Variants in ADAMTS17 observed in about 807,000 individuals in gnomAD.
ADAMTS17 encodes the protein A disintegrin and metalloproteinase with thrombospondin motifs 17.
Under a neutral mutation model 141.5 loss-of-function variants are expected in ADAMTS17, and 113 were observed. The ratio of observed to expected loss-of-function variants is 0.80; its 90% confidence interval spans 0.69 to 0.93. ADAMTS17 has a LOEUF of 0.93. ADAMTS17 is among the 40% of genes least tolerant of loss of function. The probability of loss-of-function intolerance (pLI) is 0.00; values close to 1 mark genes in which losing one functional copy is unlikely to be tolerated. For synonymous variants in ADAMTS17, 768 were observed against 630.6 expected (o/e 1.22, Z -3.27); for missense variants, 1,659 against 1,517.9 (o/e 1.09, Z -1.54).
chr15:100,223,838 T>C (rs553002973), intron 7 of ADAMTS17, among the ~76,000 whole-genome samples: 1 of 152,022 alleles, frequency 6.6e-6, no homozygotes, highest in South Asian at 2.1e-4. Flanking sequence ...TGTATATATA[T>C]GGAGTTTATT....
intron 18 of ADAMTS17, among the ~76,000 whole-genome samples, chr15:100,027,380 C>G (rs1236353045): frequency 6.6e-6 from 1 of 152,152 alleles, no homozygotes; most frequent in Non-Finnish European, 1.5e-5. Flanking sequence ...TTAGTCTTAG[C>G]TCCACAATTA....
intron 3 of ADAMTS17, among the ~76,000 whole-genome samples, chr15:100,312,130 G>C (rs576867987): frequency 6.6e-6 from 1 of 152,182 alleles, no homozygotes; most frequent in Admixed American, 6.5e-5. Flanking sequence ...ACGAAAATGT[G>C]AACTTACATG....
chr15:100,341,419 G>A lies in ADAMTS17; in HGVS notation c.80-10C>T, dbSNP rs886050983. 5 of 1,015,584 alleles carry A rather than the reference G, an allele frequency of 4.9e-6. No homozygotes were observed. Among genetic ancestry groups the A allele is most frequent in the East Asian group, 9.5e-5 (1 of 10,538 alleles). 62.9% of individuals were successfully genotyped at this position (1,015,584 alleles called of 1,614,324 possible). A position where few individuals can be genotyped will look rare whatever the true frequency, so the allele number is the denominator to read the frequency against. On this transcript the variant is annotated splice_polypyrimidine_tract_variant and intron_variant, in intron 1 of 21. Coordinates refer to ENST00000268070, the MANE Select transcript of ADAMTS17 (RefSeq NM_139057.4). Reference sequence around the variant, plus strand: ...GCCGCGTCGCCGACAGCTGCGGGGAGAGAGGAGACGCGTCAGCGCGGCGGG... The same window carrying A: ...GCCGCGTCGCCGACAGCTGCGGGGAAAGAGGAGACGCGTCAGCGCGGCGGG...
Position 99,973,620 on chromosome 15 carries a change from T to A in ADAMTS17, c.*782A>T, listed in dbSNP as rs1276793658. On this transcript the variant is annotated 3_prime_UTR_variant, in exon 22 of 22. Transcript: ENST00000268070. ...ATCACCGCAATTACCGTTTCTTATG[T>A]CACAGCACCTTGAAGAGAGGCCCTT... 1 of 152,166 alleles carries A rather than the reference T, an allele frequency of 6.6e-6. No individual in the cohort carries two copies. The highest frequency in any genetic ancestry group is 6.5e-5 in the Admixed American group (1 of 15,296). 9.4% of individuals were successfully genotyped at this position (152,166 alleles called of 1,614,324 possible).
intron 3 of ADAMTS17, among the ~76,000 whole-genome samples, chr15:100,318,902 G>A (rs1009753439): frequency 6.6e-6 from 1 of 152,238 alleles, no homozygotes; most frequent in African/African-American, 2.4e-5. Context: ...AGGGGTGCAG[G>A]GAAGTCTGTC....
intron 18 of ADAMTS17, among the ~76,000 whole-genome samples, chr15:100,011,658 T>C (rs1305557691): frequency 6.6e-6 from 1 of 152,190 alleles, no homozygotes; most frequent in East Asian, 1.9e-4. Flanking sequence ...CCTATAAAGA[T>C]CCATTCTATA....
chr15:100,213,171 T>C (rs949573388), intron 7 of ADAMTS17, among the ~76,000 whole-genome samples: 7 of 152,156 alleles, frequency 4.6e-5, no homozygotes, highest in Non-Finnish European at 7.3e-5. Flanking sequence ...AGGGCCTTTA[T>C]TGTATCTTGG....
chr15:99,988,723 G>C (rs2060638245), intron 20 of ADAMTS17, among the ~76,000 whole-genome samples: 1 of 152,132 alleles, frequency 6.6e-6, no homozygotes, highest in Non-Finnish European at 1.5e-5. Context: ...CAGGCAAAAG[G>C]CTCCATCTTA....
chr15:100,138,687 G>C (rs1046451900), intron 10 of ADAMTS17, among the ~76,000 whole-genome samples: 1 of 152,188 alleles, frequency 6.6e-6, no homozygotes, highest in Non-Finnish European at 1.5e-5. Context: ...CCCAGAAGGA[G>C]AGAATAGAAA....
At chr15:100,255,277 G>A (rs2043286862) in intron 6 of ADAMTS17, among the ~76,000 whole-genome samples, 1 of 152,138 alleles carries the variant, frequency 6.6e-6, no homozygotes, top group Admixed American at 6.5e-5. Context: ...AGCCGGCTGA[G>A]GAGCCACAAC....
At chr15:100,039,766 C>A (rs976282370) in intron 18 of ADAMTS17, among the ~76,000 whole-genome samples, 14 of 152,158 alleles carry the variant, frequency 9.2e-5, no homozygotes, top group African/African-American at 3.4e-4. Context: ...GTTAAGTCTT[C>A]TATTTCCTTG....
In ADAMTS17 at chr15:100,152,702, G is replaced by C. The variant is rs1285718218; in HGVS notation, c.1383C>G (p.Leu461=). 3 of 1,614,246 alleles carry C rather than the reference G, an allele frequency of 1.9e-6. No homozygotes were observed. The highest frequency in any genetic ancestry group is 2.5e-6 in the Non-Finnish European group (3 of 1,180,050). ...TDPRSQHTVR[L]PHKLPGMHYS... ...AGTGCATGCCCGGCAGCTTGTGCGG[G>C]AGGCGTACTGTGTGCTGGCTTCTGG... Residue 461 remains leucine, a synonymous_variant, in exon 10 of 22, where the codon CTC becomes CTG. Coordinates refer to ENST00000268070, the MANE Select transcript of ADAMTS17 (RefSeq NM_139057.4).
Position 100,058,248 on chromosome 15 carries a change from TCCTATCCCGGCTCTGACACC to T in ADAMTS17, c.2138-4214_2138-4195del, listed in dbSNP as rs1567101853. 3.4e-3 allele frequency among the ~76,000 whole-genome samples: 25 copies of T among 7,302 alleles called. 3 individuals are homozygous for T. The highest frequency in any genetic ancestry group is 0.011 in the African/African-American group (15 of 1,380). 4.8% of individuals were successfully genotyped at this position (7,302 alleles called of 152,430 possible). On this transcript the variant is annotated intron_variant, in intron 15 of 21. Transcript: ENST00000268070. Reference sequence around the variant, plus strand: ...AACACTCCTATCCCAGCTCTGACCCTCCTATCCCGGCTCTGACACCCCTATCCCGGCTCTAACCCTCCTAT... The same window carrying T: ...AACACTCCTATCCCAGCTCTGACCCTCCTATCCCGGCTCTAACCCTCCTAT...
At chr15:100,073,026 G>A (rs2034093178) in intron 15 of ADAMTS17, among the ~76,000 whole-genome samples, 1 of 152,122 alleles carries the variant, frequency 6.6e-6, no homozygotes, top group South Asian at 2.1e-4. Context: ...ATCTGACAAA[G>A]GGCTAATATC....
chr15:100,186,209 T>C (rs1213417029), intron 8 of ADAMTS17, among the ~76,000 whole-genome samples: 2 of 152,192 alleles, frequency 1.3e-5, no homozygotes, highest in Non-Finnish European at 2.9e-5. Flanking sequence ...CTCCATCCTG[T>C]ACATTAGTTG....
chr15:100,154,483 C>T (rs1295038046), intron 9 of ADAMTS17, among the ~76,000 whole-genome samples: 24 of 152,216 alleles, frequency 1.6e-4, no homozygotes, highest in Admixed American at 1.1e-3. Context: ...TGAGACTCGC[C>T]GACTCACTGC....
intron 15 of ADAMTS17, among the ~76,000 whole-genome samples, chr15:100,069,557 C>T (rs2033817340): frequency 1.3e-5 from 2 of 152,294 alleles, no homozygotes; most frequent in South Asian, 2.1e-4. Context: ...GGCAGAAACT[C>T]TACAAGCCAG....
At chr15:100,292,130 G>GTGGGGAGTCACGAGAGACGCTCAC (rs2044648924) in intron 3 of ADAMTS17, among the ~76,000 whole-genome samples, 1 of 137,312 alleles carries the variant, frequency 7.3e-6, no homozygotes. Flanking sequence ...GAGACGCTCA[G>GTGGGGAGTCACGAGAGACGCTCAC]CCCGTGGGGA....
chr15:100,303,883 C>T (rs142849780), intron 3 of ADAMTS17, among the ~76,000 whole-genome samples: 160 of 152,142 alleles, frequency 1.1e-3, no homozygotes, highest in African/African-American at 3.7e-3. Flanking sequence ...CCGCCACGCC[C>T]GGCTAATTTT....
Sources: allele counts gnomAD v4.1 joint callset (sites outside exome capture counted in the v4.1 genomes callset), GRCh38; gene constraint gnomAD v4.1.1; transcripts MANE v1.5; gene names NCBI Gene and HGNC (gene_info 2026-07-23, HGNC 2026-07-21).